Variants in RAD51B observed in about 807,000 individuals in gnomAD.
The protein encoded by RAD51B is DNA repair protein RAD51 homolog 2.
In RAD51B, 38 loss-of-function variants were observed where a neutral mutation model predicts 42.2. The ratio of observed to expected loss-of-function variants is 0.90; its 90% CI spans 0.70 to 1.18. The LOEUF is 1.18. Among genes scored for constraint, RAD51B ranks in the 50% most tolerant of loss-of-function variants. The pLI is 0.00. For missense variants in RAD51B, 373 were observed against 400.7 expected (o/e 0.93, Z 0.59); for synonymous variants, 154 against 145.2 (o/e 1.06, Z -0.43).
At chr14:68,465,084 T>C (rs2085940434) in intron 9 of RAD51B, among the ~76,000 whole-genome samples, 2 of 152,162 alleles carry the variant, frequency 1.3e-5, no homozygotes, top group Non-Finnish European at 2.9e-5. Context: ...TTTTTCTGGG[T>C]CTCAGTTTCT....
chr14:68,482,382 G>A (rs571074766), downstream of RAD51B, among the ~76,000 whole-genome samples: 1 of 152,282 alleles, frequency 6.6e-6, no homozygotes, highest in East Asian at 1.9e-4. Flanking sequence ...TTTAGGTTGT[G>A]TGTTGTGAAC....
intron 7 of RAD51B, among the ~76,000 whole-genome samples, chr14:67,984,146 C>T (rs1033470552): frequency 6.6e-6 from 1 of 152,064 alleles, no homozygotes; most frequent in Non-Finnish European, 1.5e-5. Context: ...ACCATCTTGG[C>T]CAGGCTGGTC....
intron 11 of RAD51B, among the ~76,000 whole-genome samples, chr14:68,652,039 G>C (rs774754639): frequency 3.8e-4 from 58 of 152,292 alleles, no homozygotes; most frequent in Non-Finnish European, 7.6e-4. Context: ...ACTCCTGATG[G>C]CCTGCACTGC....
intron 7 of RAD51B, among the ~76,000 whole-genome samples, chr14:68,054,457 T>C (rs998800986): frequency 1.3e-5 from 2 of 152,358 alleles, no homozygotes; most frequent in East Asian, 3.9e-4. Flanking sequence ...TATGAATTCA[T>C]ATTGATAACT....
At chr14:68,582,227 C>T (rs983072660) in intron 10 of RAD51B, among the ~76,000 whole-genome samples, 4 of 152,150 alleles carry the variant, frequency 2.6e-5, no homozygotes, top group Non-Finnish European at 5.9e-5. Context: ...AGGCAACCTA[C>T]AGAATGGGAG....
rs78759127 is a variant in RAD51B, at chr14:68,333,691, A to T, written c.853+41711A>T. On this transcript the variant is annotated intron_variant, in intron 8 of 10. Transcript: ENST00000471583. ...AACATTGTACGTTATAATCATATAC[A>T]ACATGATGTTTTAAAGTACACATAC... Among the ~76,000 whole-genome samples the T allele has an allele frequency of 5.9e-5, 9 of 152,362 alleles. No homozygotes were observed. The East Asian group carries it at 1.5e-3, about 26-fold the overall frequency.
chr14:68,166,301 C>T (rs2078750707), intron 7 of RAD51B, among the ~76,000 whole-genome samples: 1 of 151,588 alleles, frequency 6.6e-6, no homozygotes, highest in Non-Finnish European at 1.5e-5. Flanking sequence ...ATAAAAGGTG[C>T]TGTAACCAAT....
intron 7 of RAD51B, among the ~76,000 whole-genome samples, chr14:68,100,552 C>T (rs1205641363): frequency 1.3e-5 from 2 of 152,042 alleles, no homozygotes; most frequent in Non-Finnish European, 2.9e-5. Flanking sequence ...AGTGAGTTGC[C>T]TTGAGGTCAG....
At chr14:68,162,184 A>T (rs941537777) in intron 7 of RAD51B, among the ~76,000 whole-genome samples, 1 of 152,214 alleles carries the variant, frequency 6.6e-6, no homozygotes, top group Non-Finnish European at 1.5e-5. Flanking sequence ...TTGTCTCTTA[A>T]TTCAGGGAAA....
chr14:68,617,913 G>A (rs1472823177), intron 10 of RAD51B, among the ~76,000 whole-genome samples: 1 of 152,192 alleles, frequency 6.6e-6, no homozygotes, highest in Non-Finnish European at 1.5e-5. Context: ...AAGGGATACA[G>A]GGGGAGGGTA....
chr14:68,246,215 C>T (rs1017109263), intron 7 of RAD51B, among the ~76,000 whole-genome samples: 1 of 151,874 alleles, frequency 6.6e-6, no homozygotes, highest in African/African-American at 2.4e-5. Flanking sequence ...ATGAAGCCTC[C>T]TGGCTCTGTT....
In RAD51B at chr14:68,244,920, A is replaced by G. The variant is rs757564168; in HGVS notation, c.757-46964A>G. ...CTTGGCAATTAATCATACACTTTAT[A>G]AAGAAAACAATGTCCTAACATTTGG... On this transcript the variant is annotated intron_variant, in intron 7 of 10. Coordinates refer to ENST00000471583, the MANE Select transcript of RAD51B (RefSeq NM_133510.4). 7.4e-4 allele frequency among the ~76,000 whole-genome samples: 113 copies of G among 152,332 alleles called. 1 individual carries two copies. Among genetic ancestry groups the G allele is most frequent in the Non-Finnish European group, 1.4e-3 (96 of 68,026 alleles).
chr14:68,287,552 A>G (rs977730170), intron 7 of RAD51B, among the ~76,000 whole-genome samples: 8 of 152,206 alleles, frequency 5.3e-5, no homozygotes, highest in Non-Finnish European at 1.0e-4. Flanking sequence ...CCTTTGTCCA[A>G]GAATCCCACT....
chr14:68,342,087 T>C (rs1327655877), intron 8 of RAD51B, among the ~76,000 whole-genome samples: 1 of 152,198 alleles, frequency 6.6e-6, no homozygotes. Context: ...TATAATTTGC[T>C]TACCCCTTGA....
intron 11 of RAD51B, among the ~76,000 whole-genome samples, chr14:68,678,598 G>T (rs1179207225): frequency 6.6e-6 from 1 of 152,162 alleles, no homozygotes; most frequent in Non-Finnish European, 1.5e-5. Context: ...GGGGGTGGCT[G>T]CCTCCCTGCC....
intron 10 of RAD51B, among the ~76,000 whole-genome samples, chr14:68,648,133 G>GTATA (rs371883719): frequency 2.2e-5 from 2 of 90,554 alleles, no homozygotes; most frequent in African/African-American, 8.6e-5. Flanking sequence ...ATACACACAC[G>GTATA]TATATATATA....
At chr14:67,960,159 G>C (rs544749125) in intron 7 of RAD51B, among the ~76,000 whole-genome samples, 3 of 151,972 alleles carry the variant, frequency 2.0e-5, no homozygotes, top group Non-Finnish European at 4.4e-5. Context: ...AACGTTCTAT[G>C]TTAAGTGTAT....
chr14:67,996,170 A>G (rs1374871605), intron 7 of RAD51B, among the ~76,000 whole-genome samples: 1 of 151,482 alleles, frequency 6.6e-6, no homozygotes, highest in Admixed American at 6.6e-5. Flanking sequence ...CCGAGGTGGG[A>G]GGATCGCTTG....
Position 68,663,624 on chromosome 14 carries a change from G to A in RAD51B, c.*11+12768G>A, listed in dbSNP as rs115064874. On this transcript the variant is annotated intron_variant, in intron 11 of 11. Transcript: ENST00000488612. Reference sequence around the variant, plus strand: ...CTCAATTACCCCATTTGAGTGTGCCGTCTGTCTCCTGCCAGAACGCTGACC... The same window carrying A: ...CTCAATTACCCCATTTGAGTGTGCCATCTGTCTCCTGCCAGAACGCTGACC... 1.5e-3 allele frequency among the ~76,000 whole-genome samples: 232 copies of A among 152,284 alleles called. 1 individual carries two copies. The highest frequency in any genetic ancestry group is 5.0e-3 in the African/African-American group (206 of 41,554).
Sources: gnomAD v4.1 joint callset for allele counts (sites outside exome capture counted in the v4.1 genomes callset) on GRCh38, gnomAD v4.1.1 for gene constraint, MANE v1.5 for transcripts, NCBI Gene and HGNC (gene_info 2026-07-23, HGNC 2026-07-21) for gene names.